FXR2: variants seen among roughly 807,000 people sequenced by gnomAD.
The protein encoded by FXR2 is RNA-binding protein FXR2.
A neutral mutation model predicts 87.3 loss-of-function variants in FXR2; 9 were observed. That is an observed-to-expected ratio of 0.10 (90% CI 0.06 to 0.18). FXR2 has a LOEUF of 0.18. Among genes scored for constraint, FXR2 ranks in the 10% least tolerant of loss-of-function variants. The pLI is 1.00. For missense variants in FXR2, 661 were observed against 893.6 expected, an observed-to-expected ratio of 0.74 and a Z score of 3.32; for synonymous variants, 331 against 328.3, an observed-to-expected ratio of 1.01 and a Z score of -0.09.
intron 3 of FXR2, among the ~76,000 whole-genome samples, chr17:7,605,259 T>C (rs2071793821): frequency 6.6e-6 from 1 of 152,048 alleles, no homozygotes; most frequent in Non-Finnish European, 1.5e-5. Context: ...TCCCAGCTAC[T>C]TGGGAGGCTG....
In FXR2 at chr17:7,593,412, G is replaced by A; in HGVS notation, c.1321C>T (p.Pro441Ser). The A allele has an allele frequency of 1.3e-6, 2 of 1,569,892 alleles. No homozygotes were observed. The highest frequency in any genetic ancestry group is 1.7e-6 in the Non-Finnish European group (2 of 1,157,646). The change falls in exon 12 of 17, where the codon CCT (proline) becomes TCT (serine). Residue 441 changes from proline to serine, a missense_variant. Coordinates refer to ENST00000250113, the MANE Select transcript of FXR2 (RefSeq NM_004860.4). This position sits in a 1 kb window ranked among gnomAD's most constrained non-coding sequence, Gnocchi z 6.1. Reference protein sequence around the residue: ...GRGRGRRTGGPAYGPSSDVST... With the variant: ...GRGRGRRTGGSAYGPSSDVST... ...CCCATAACTGTCTCACCATAGGCAGGACCGCCTGTCCTCCGGCCACGGCCA... is the reference window on the plus strand; with the variant it reads ...CCCATAACTGTCTCACCATAGGCAGAACCGCCTGTCCTCCGGCCACGGCCA...
At chr17:7,601,547 A>G (rs1313027294) in intron 6 of FXR2, 22 bp from the exon 7 acceptor site, 7 of 1,416,984 alleles carry the variant, frequency 4.9e-6, no homozygotes, top group African/African-American at 1.4e-5. Context: ...CCAGTGGGAA[A>G]GTCATTAAAA....
chr17:7,608,464 T>C (rs1355041794), intron 1 of FXR2, among the ~76,000 whole-genome samples: 1 of 148,854 alleles, frequency 6.7e-6, no homozygotes, highest in Non-Finnish European at 1.5e-5. Context: ...TAATAATATA[T>C]AAATTAGCCA....
chr17:7,605,509 G>A (rs1326272432), intron 3 of FXR2, 136 bp downstream of exon 3: 7 of 582,504 alleles, frequency 1.2e-5, no homozygotes, highest in Non-Finnish European at 1.9e-5. Flanking sequence ...AAGGGGAACT[G>A]TTGCATTTTA....
chr17:7,592,941 T>C lies in FXR2; in HGVS notation c.1528+43A>G, dbSNP rs1321067273. 1 of 1,546,182 alleles carries C rather than the reference T, an allele frequency of 6.5e-7. No individual in the cohort carries two copies. Among genetic ancestry groups the C allele is most frequent in the Non-Finnish European group, 8.7e-7 (1 of 1,146,026 alleles). The stretch of plus-strand genomic sequence containing the variant: ...GGAGTTGGCAGTCAGGTGCCCATCA[T>C]CTTTCCTTTTGGCCCATATTCATGA... On this transcript the variant is annotated intron_variant, in intron 13 of 16. Coordinates refer to ENST00000250113, the MANE Select transcript of FXR2 (RefSeq NM_004860.4). The surrounding 1 kb of genome is among the most constrained non-coding windows in gnomAD (Gnocchi z 4.8).
chr17:7,597,398 A>G (rs902022058), intron 7 of FXR2, among the ~76,000 whole-genome samples: 67 of 152,226 alleles, frequency 4.4e-4, no homozygotes, highest in Non-Finnish European at 1.0e-4. Flanking sequence ...GAGTGTTCAA[A>G]ATCACTACAT....
At chr17:7,602,516 C>T (rs371558329) in intron 6 of FXR2, among the ~76,000 whole-genome samples, 2 of 151,602 alleles carry the variant, frequency 1.3e-5, no homozygotes, top group Admixed American at 6.6e-5. Context: ...TGCAGTGAGC[C>T]GAGATCGCGC....
In FXR2 at chr17:7,593,024, G is replaced by A; in HGVS notation, c.1488C>T (p.Pro496=). ...GGRGRGPPPA[P]RPTSRYNSSS... is the part of the protein sequence containing the mutation. ...AAGAATTGTATCTCGAAGTGGGCCG[G>A]GGGGCAGGTGGGGGTCCCCTACCCC... The change falls in exon 13 of 17, where the codon CCC becomes CCT. Residue 496 remains proline, a synonymous_variant. Coordinates refer to ENST00000250113, the MANE Select transcript of FXR2 (RefSeq NM_004860.4). The surrounding 1 kb of genome is among the most constrained non-coding windows in gnomAD (Gnocchi z 6.1). The A allele has an allele frequency of 6.3e-7, 1 of 1,575,934 alleles. No homozygotes were observed. The highest frequency in any genetic ancestry group is 8.6e-7 in the Non-Finnish European group (1 of 1,164,068).
intron 1 of FXR2, among the ~76,000 whole-genome samples, chr17:7,609,983 T>TATATATACATGCATATGTATAC (rs1567753936): frequency 5.2e-5 from 5 of 95,988 alleles, no homozygotes; most frequent in African/African-American, 2.0e-4. Context: ...TGTATACATA[T>TATATATACATGCATATGTATAC]ATATATACAT....
intron 5 of FXR2, 25 bp from the exon 6 acceptor site, chr17:7,603,027 G>C (rs565300854): frequency 2.5e-6 from 3 of 1,197,518 alleles, no homozygotes; most frequent in Admixed American, 3.7e-5. Flanking sequence ...AGTACTCAGC[G>C]GGCAGAATGC....
In FXR2 at chr17:7,591,951, A is replaced by C. The variant is rs748786907; in HGVS notation, c.1927-26T>G. On this transcript the variant is annotated intron_variant, in intron 16 of 16. Transcript: ENST00000250113. This position sits in a 1 kb window ranked among gnomAD's most constrained non-coding sequence, Gnocchi z 4.0. Reference sequence around the variant, plus strand: ...CTGAGGGGAAAGTGGGAAAGAAAACAGAAAAGCAAGAAGCGGTGAGTAGAA... The same window carrying C: ...CTGAGGGGAAAGTGGGAAAGAAAACCGAAAAGCAAGAAGCGGTGAGTAGAA... The C allele has an allele frequency of 7.1e-7, 1 of 1,404,028 alleles. No individual in the cohort carries two copies. Among genetic ancestry groups the C allele is most frequent in the Non-Finnish European group, 1.0e-6 (1 of 995,762 alleles). The allele number at this position is 1,404,028 out of a possible 1,614,324, so 87.0% of individuals were successfully genotyped here.
chr17:7,601,701 G>A (rs537839711), intron 6 of FXR2, among the ~76,000 whole-genome samples, 176 bp from the exon 7 acceptor site: 28 of 152,330 alleles, frequency 1.8e-4, no homozygotes, highest in Admixed American at 1.8e-3. Context: ...GGCCAAGGCA[G>A]GCGGATCACG....
At chr17:7,608,154 C>T (rs1394968447) in intron 1 of FXR2, among the ~76,000 whole-genome samples, 1 of 151,560 alleles carries the variant, frequency 6.6e-6, no homozygotes, top group African/African-American at 2.4e-5. Flanking sequence ...CAGGGTTTCG[C>T]TATGTTGCCC....
chr17:7,613,143 G>C (rs973474558), intron 1 of FXR2, among the ~76,000 whole-genome samples: 1 of 151,802 alleles, frequency 6.6e-6, no homozygotes, highest in Non-Finnish European at 1.5e-5. Context: ...ACATTTCCAA[G>C]GGCATGAGAA....
rs1241438973 is a variant in FXR2, at chr17:7,594,630, G to A, written c.910+49C>T. ...TGGATAAAAGCTCAGAATCACTGTAGAGAATCTTGATTCTGACCTCTAACT... is the reference window on the plus strand; with the variant it reads ...TGGATAAAAGCTCAGAATCACTGTAAAGAATCTTGATTCTGACCTCTAACT... On this transcript the variant is annotated intron_variant, in intron 9 of 16. Transcript: ENST00000250113. This position sits in a 1 kb window ranked among gnomAD's most constrained non-coding sequence, Gnocchi z 5.1. 8.7e-7 allele frequency: 1 copy of A among 1,145,656 alleles called. No homozygotes were observed. The highest frequency in any genetic ancestry group is 1.7e-5 in the Admixed American group (1 of 59,226). The allele number at this position is 1,145,656 out of a possible 1,614,324, so 71.0% of individuals were successfully genotyped here. A position where few individuals can be genotyped will look rare whatever the true frequency, so the allele number is the denominator to read the frequency against.
chr17:7,613,403 C>T (rs1385520543), intron 1 of FXR2, among the ~76,000 whole-genome samples: 1 of 152,028 alleles, frequency 6.6e-6, no homozygotes, highest in Non-Finnish European at 1.5e-5. Flanking sequence ...CTCTCTCTGG[C>T]TTAATCTAAA....
intron 6 of FXR2, 100 bp downstream of exon 6, chr17:7,602,809 T>A: frequency 1.5e-6 from 1 of 654,916 alleles, no homozygotes; most frequent in South Asian, 1.9e-5. Context: ...CAAATAAATA[T>A]AAGCACATTT....
intron 1 of FXR2, among the ~76,000 whole-genome samples, chr17:7,608,582 C>T (rs2071823662): frequency 6.7e-6 from 1 of 148,882 alleles, no homozygotes; most frequent in African/African-American, 2.5e-5. Flanking sequence ...CATGCCATCG[C>T]ACTGCAGCCT....
At position 7,592,745 on chromosome 17, in the gene FXR2, T is replaced by G. The variant is rs371742402; in HGVS notation, c.1678A>C (p.Met560Leu). Residue 560 changes from methionine (M) to leucine (L), a missense_variant, in exon 14 of 17, where the codon ATG (methionine) becomes CTG (leucine). Coordinates refer to ENST00000250113, the MANE Select transcript of FXR2 (RefSeq NM_004860.4). The surrounding 1 kb of genome is among the most constrained non-coding windows in gnomAD (Gnocchi z 4.8). ...CCATCTGATTCCAGGCCTCCATCCA[T>G]GACGGTCCTGTCTTCATCAGTGCGG... ...RRRTDEDRTV[M>L]DGGLESDGPN... 4 of 1,613,062 alleles carry G rather than the reference T, an allele frequency of 2.5e-6. No homozygotes were observed. The South Asian group carries it at 4.4e-5, about 18-fold the overall frequency.
Sources: gnomAD v4.1 joint callset for allele counts (sites outside exome capture counted in the v4.1 genomes callset) on GRCh38, gnomAD v4.1.1 for gene constraint, Gnocchi (gnomAD v3.1) non-coding constraint, MANE v1.5 for transcripts, NCBI Gene and HGNC (gene_info 2026-07-23, HGNC 2026-07-21) for gene names.